Variants in ATG14 observed in about 807,000 individuals in gnomAD.
ATG14 encodes beclin 1-associated autophagy-related key regulator.
In ATG14, 35 loss-of-function variants were observed where a neutral mutation model predicts 60.4. The ratio of observed to expected loss-of-function variants is 0.58; its 90% CI spans 0.44 to 0.77. ATG14 has a LOEUF of 0.77. Among genes scored for constraint, ATG14 ranks in the 30% least tolerant of loss-of-function variants. ATG14 has a pLI of 0.00. For synonymous variants in ATG14, 234 were observed against 228.8 expected (o/e 1.02, Z -0.21); for missense variants, 647 against 626.3 (o/e 1.03, Z -0.35).
rs1885013574 is a variant in ATG14 at position 55,380,700 on chromosome 14, G to A, written c.878-10C>T. 1 of 1,559,106 alleles carries A rather than the reference G, an allele frequency of 6.4e-7. No homozygotes were observed. Among genetic ancestry groups the A allele is most frequent in the South Asian group, 1.2e-5 (1 of 84,726 alleles). On this transcript the variant is annotated splice_polypyrimidine_tract_variant and intron_variant, in intron 6 of 9. Coordinates refer to ENST00000247178, the MANE Select transcript of ATG14 (RefSeq NM_014924.5). ...TTACTCTGCTCCATGTCTGCAGTAA[G>A]AAAACAACCACCATGTACAAAACCT...
chr14:55,385,420 G>A (rs1187414312), intron 5 of ATG14, among the ~76,000 whole-genome samples: 4 of 152,206 alleles, frequency 2.6e-5, no homozygotes, highest in Non-Finnish European at 5.9e-5. Flanking sequence ...AGCCACCTGA[G>A]TAGCTGGGAC....
At position 55,380,702 on chromosome 14, in the gene ATG14, A is replaced by T; in HGVS notation, c.878-12T>A. ...ACTCTGCTCCATGTCTGCAGTAAGA[A>T]AACAACCACCATGTACAAAACCTTA... On this transcript the variant is annotated splice_polypyrimidine_tract_variant and intron_variant, in intron 6 of 9. Coordinates refer to ENST00000247178, the MANE Select transcript of ATG14 (RefSeq NM_014924.5). 1 of 1,555,712 alleles carries T rather than the reference A, an allele frequency of 6.4e-7. No individual in the cohort carries two copies. Among genetic ancestry groups the T allele is most frequent in the Non-Finnish European group, 8.8e-7 (1 of 1,138,722 alleles).
intron 1 of ATG14, among the ~76,000 whole-genome samples, chr14:55,410,535 C>T (rs1343690455): frequency 6.6e-6 from 1 of 152,172 alleles, no homozygotes; most frequent in Non-Finnish European, 1.5e-5. Context: ...TCATTCAAAC[C>T]TCCTCAAAAG....
intron 1 of ATG14, among the ~76,000 whole-genome samples, chr14:55,404,188 C>T (rs926971773): frequency 3.3e-5 from 5 of 152,196 alleles, no homozygotes; most frequent in Admixed American, 1.3e-4. Context: ...GACATGACTA[C>T]AAATTCATCT....
chr14:55,408,774 AAAAAT>A (rs1415180633), intron 1 of ATG14, among the ~76,000 whole-genome samples: 2 of 152,208 alleles, frequency 1.3e-5, no homozygotes, highest in Admixed American at 1.3e-4. Flanking sequence ...CTGTCTCAAA[AAAAAT>A]AAAATAAAAT....
At chr14:55,402,970 A>ATATATATATATATATATATAT (rs1566585833) in intron 1 of ATG14, among the ~76,000 whole-genome samples, 6 of 69,476 alleles carry the variant, frequency 8.6e-5, no homozygotes, top group Admixed American at 1.6e-4. Flanking sequence ...TATATATATA[A>ATATATATATATATATATATAT]ATAGCTGGGC....
At chr14:55,385,627 A>G (rs1885111967) in intron 5 of ATG14, among the ~76,000 whole-genome samples, 2 of 152,092 alleles carry the variant, frequency 1.3e-5, no homozygotes, top group Non-Finnish European at 2.9e-5. Flanking sequence ...GTGAGTCAGC[A>G]CCTCATCTAG....
At position 55,369,773 on chromosome 14, in the gene ATG14, C is replaced by G; in HGVS notation, c.1325G>C (p.Arg442Pro). Residue 442 changes from arginine to proline, a missense_variant, in exon 10 of 10, where the codon CGG (arginine) becomes CCG (proline). Physicochemically the swap from Arg to Pro is moderately radical, Grantham distance 103. Transcript: ENST00000247178. ...GTDWENLPSP[R>P]FCDIPSQSVE... ...AGACTGGGAAGGGATATCACAAAAC[C>G]GGGGACTAGGCAAGTTCTCCCAGTC... 1.2e-6 allele frequency: 2 copies of G among 1,614,150 alleles called. No individual in the cohort carries two copies. The highest frequency in any genetic ancestry group is 1.1e-5 in the South Asian group (1 of 91,072).
At chr14:55,393,217 T>TA (rs11327080) in intron 3 of ATG14, among the ~76,000 whole-genome samples, 5 of 151,616 alleles carry the variant, frequency 3.3e-5, no homozygotes, top group South Asian at 2.1e-4. Flanking sequence ...CCGTCTCTAC[T>TA]AAAAAAACAC....
Position 55,369,597 on chromosome 14 carries a change from G to GGTAT in ATG14, c.*18_*21dup, listed in dbSNP as rs1289636004. 6.8e-7 allele frequency: 1 copy of GGTAT among 1,472,280 alleles called. No individual in the cohort carries two copies. The highest frequency in any genetic ancestry group is 2.3e-5 in the Admixed American group (1 of 43,460). The allele number at this position is 1,472,280 out of a possible 1,614,324, so 91.2% of individuals were successfully genotyped here. A position where few individuals can be genotyped will look rare whatever the true frequency, so the allele number is the denominator to read the frequency against. On this transcript the variant is annotated 3_prime_UTR_variant, in exon 10 of 10. Coordinates refer to ENST00000247178, the MANE Select transcript of ATG14 (RefSeq NM_014924.5). ...AGAAGAACTTTCTTGATGCAGATTT[G>GGTAT]GTATGTTTTGGTCCATGCTCGTTAA...
chr14:55,379,662 T>C (rs1884991504), intron 7 of ATG14, among the ~76,000 whole-genome samples: 1 of 151,868 alleles, frequency 6.6e-6, no homozygotes, highest in Non-Finnish European at 1.5e-5. Context: ...GCAATGATAG[T>C]TGGAGGGTAG....
intron 1 of ATG14, among the ~76,000 whole-genome samples, chr14:55,407,815 C>T (rs564782740): frequency 1.3e-5 from 2 of 152,170 alleles, no homozygotes; most frequent in African/African-American, 4.8e-5. Context: ...AGGTGGGAAC[C>T]TATCTTAGTG....
chr14:55,383,315 C>G (rs1311393936), intron 5 of ATG14, among the ~76,000 whole-genome samples: 2 of 152,018 alleles, frequency 1.3e-5, no homozygotes, highest in African/African-American at 2.4e-5. Flanking sequence ...CTTTGGAAGG[C>G]TGAGGCAGGC....
At chr14:55,391,902 C>T (rs1165155904) in intron 3 of ATG14, among the ~76,000 whole-genome samples, 1 of 152,118 alleles carries the variant, frequency 6.6e-6, no homozygotes, top group African/African-American at 2.4e-5. Flanking sequence ...GTGCATAACT[C>T]AAGTAAGATT....
intron 9 of ATG14, 44 bp downstream of exon 9, chr14:55,377,775 G>T: frequency 7.1e-7 from 1 of 1,401,404 alleles, no homozygotes; most frequent in Non-Finnish European, 9.8e-7. Context: ...CCTCTAACAG[G>T]ATTCACAAAA....
intron 1 of ATG14, among the ~76,000 whole-genome samples, chr14:55,406,642 G>C (rs368290576): frequency 1.3e-5 from 2 of 152,086 alleles, no homozygotes; most frequent in African/African-American, 4.8e-5. Flanking sequence ...CTGGCTATTA[G>C]AACAATGGTC....
intron 1 of ATG14, 28 bp from the exon 2 acceptor site, chr14:55,397,462 T>C (rs780710055): frequency 2.6e-5 from 41 of 1,567,926 alleles, no homozygotes; most frequent in Non-Finnish European, 3.6e-5. Context: ...AATGTCTTAT[T>C]TAAATGGTCA....
intron 3 of ATG14, chr14:55,395,165 G>A (rs933687395): frequency 1.1e-5 from 5 of 460,228 alleles, no homozygotes; most frequent in African/African-American, 8.0e-5. Flanking sequence ...CAGCTGATAA[G>A]CGTGCCGATC....
Position 55,379,470 on chromosome 14 carries a change from G to A in ATG14, c.995+1103C>T, listed in dbSNP as rs182404842. Reference sequence around the variant, plus strand: ...GGTGGGAGGATTGCTTGGGCCTGGGGAGGGACGGAGGTTGCAATGAGCTAA... The same window carrying A: ...GGTGGGAGGATTGCTTGGGCCTGGGAAGGGACGGAGGTTGCAATGAGCTAA... On this transcript the variant is annotated intron_variant, in intron 7 of 9. Transcript: ENST00000247178. Among the ~76,000 whole-genome samples, 573 of 152,178 alleles carry A rather than the reference G, an allele frequency of 3.8e-3. 2 individuals are homozygous for A. The highest frequency in any genetic ancestry group is 0.01 in the Middle Eastern group (3 of 294).
Sources: gnomAD v4.1 joint callset for allele counts (sites outside exome capture counted in the v4.1 genomes callset) on GRCh38, gnomAD v4.1.1 for gene constraint, MANE v1.5 for transcripts, NCBI Gene and HGNC (gene_info 2026-07-23, HGNC 2026-07-21) for gene names.